The following VPS13D variants were observed in gnomAD, a reference collection of about 807,000 sequenced individuals.
The protein encoded by VPS13D is intermembrane lipid transfer protein VPS13D.
Under a neutral mutation model 461.9 loss-of-function variants are expected in VPS13D, and 187 were observed. The ratio of observed to expected loss-of-function variants is 0.40; its 90% CI spans 0.36 to 0.46. The LOEUF (loss-of-function observed/expected upper bound fraction) is 0.46. VPS13D is among the 20% of genes least tolerant of loss of function. The pLI, the probability that VPS13D is intolerant of heterozygous loss-of-function variation, is 0.60. For synonymous variants in VPS13D, 1,951 were observed against 1,986.3 expected, an observed-to-expected ratio of 0.98 and a Z score of 0.47; for missense variants, 4,711 against 5,364.9, an observed-to-expected ratio of 0.88 and a Z score of 3.81.
chr1:12,250,762 A>AC (rs1266993708), intron 6 of VPS13D, among the ~76,000 whole-genome samples: 4 of 152,272 alleles, frequency 2.6e-5, no homozygotes, highest in Admixed American at 1.3e-4. Context: ...ACCTGGGTGG[A>AC]CCAGCTCTAA....
chr1:12,412,992 T>C (rs1429852854), intron 63 of VPS13D, among the ~76,000 whole-genome samples: 1 of 152,078 alleles, frequency 6.6e-6, no homozygotes, highest in African/African-American at 2.4e-5. Context: ...ATGAGCAAAA[T>C]ACTTCAATAA....
intron 65 of VPS13D, among the ~76,000 whole-genome samples, chr1:12,433,552 C>T (rs569556536): frequency 3.9e-5 from 6 of 152,346 alleles, no homozygotes; most frequent in African/African-American, 1.4e-4. Context: ...ATGAACCCGC[C>T]AGTGACTCTG....
intron 67 of VPS13D, among the ~76,000 whole-genome samples, chr1:12,485,774 A>G (rs943627353): frequency 7.9e-5 from 12 of 152,322 alleles, no homozygotes; most frequent in Admixed American, 6.5e-5. Flanking sequence ...GACTATGACA[A>G]TCAGTCCAAT....
chr1:12,493,059 T>C (rs1645905050), intron 67 of VPS13D, among the ~76,000 whole-genome samples: 1 of 148,614 alleles, frequency 6.7e-6, no homozygotes. Context: ...TGGTCCACGA[T>C]TGAGTGATGG....
intron 13 of VPS13D, among the ~76,000 whole-genome samples, chr1:12,263,918 C>T (rs1279096889): frequency 6.6e-6 from 1 of 152,150 alleles, no homozygotes; most frequent in Non-Finnish European, 1.5e-5. Flanking sequence ...TTCATAGACA[C>T]CACATTTTTT....
intron 61 of VPS13D, among the ~76,000 whole-genome samples, chr1:12,400,960 GCGCACACACACACACA>G (rs1306094939): frequency 3.6e-4 from 47 of 131,032 alleles, no homozygotes; most frequent in Admixed American, 2.3e-3. Flanking sequence ...ACCTGCGCGC[GCGCACACACACACACA>G]CACACACACA....
At chr1:12,312,672 A>G in intron 29 of VPS13D, among the ~76,000 whole-genome samples, 1 of 152,200 alleles carries the variant, frequency 6.6e-6, no homozygotes, top group South Asian at 2.1e-4. Context: ...AGGTGAGAGA[A>G]TCACTTGAAC....
At chr1:12,478,309 T>C (rs977446885) in intron 67 of VPS13D, among the ~76,000 whole-genome samples, 1 of 152,276 alleles carries the variant, frequency 6.6e-6, no homozygotes, top group African/African-American at 2.4e-5. Flanking sequence ...TTCAGGGTTC[T>C]GCTCCATAAA....
Position 12,327,721 on chromosome 1 carries a change from C to G in VPS13D, c.8064C>G (p.Thr2688=). The G allele has an allele frequency of 6.2e-7, 1 of 1,614,132 alleles. No homozygotes were observed. Among genetic ancestry groups the G allele is most frequent in the Non-Finnish European group, 8.5e-7 (1 of 1,180,018 alleles). ...EPLKSLSLAS[T]SRDSPGAVAA... ...TGAAGTCTCTTTCCTTGGCCTCCAC[C>G]AGCCGAGATAGCCCAGGGGCTGTGG... Residue 2688 remains threonine, a synonymous_variant, in exon 36 of 70, where the codon ACC becomes ACG. Coordinates refer to ENST00000620676, the MANE Select transcript of VPS13D (RefSeq NM_015378.4).
At chr1:12,387,705 A>T (rs1557749677) in intron 60 of VPS13D, among the ~76,000 whole-genome samples, 2 of 152,260 alleles carry the variant, frequency 1.3e-5, no homozygotes, top group African/African-American at 4.8e-5. Flanking sequence ...GCTTGTAGAG[A>T]TTAAAATGTA....
In VPS13D at chr1:12,509,737, G is replaced by A. The variant is rs1030089031; in HGVS notation, c.*713G>A. 6.6e-6 allele frequency: 1 copy of A among 152,230 alleles called. No individual in the cohort carries two copies. The highest frequency in any genetic ancestry group is 2.4e-5 in the African/African-American group (1 of 41,462). 9.4% of individuals were successfully genotyped at this position (152,230 alleles called of 1,614,324 possible). On this transcript the variant is annotated 3_prime_UTR_variant, in exon 70 of 70. Transcript: ENST00000620676. Reference sequence around the variant, plus strand: ...TGCTTAGATTCTTACAAATTATGATGTAAGTTATCCATTTGGCTTTTTCCT... The same window carrying A: ...TGCTTAGATTCTTACAAATTATGATATAAGTTATCCATTTGGCTTTTTCCT...
Position 12,308,532 on chromosome 1 carries a change from G to A in VPS13D, c.6541G>A (p.Asp2181Asn), listed in dbSNP as rs1384470889. Residue 2181 changes from aspartate to asparagine, a missense_variant, in exon 27 of 70, where the codon GAT becomes AAT. Transcript: ENST00000620676. ...HPREYSKAPE[D>N]SSGDLIFPSY... is the part of the protein sequence containing the mutation. ...GAGAGAATACTCGAAGGCACCAGAG[G>A]ATAGTAGTGGAGATCTGATCTTCCC... 4 of 1,614,120 alleles carry A rather than the reference G, an allele frequency of 2.5e-6. No individual in the cohort carries two copies. The highest frequency in any genetic ancestry group is 3.4e-6 in the Non-Finnish European group (4 of 1,180,018).
chr1:12,498,862 G>A, intron 68 of VPS13D, among the ~76,000 whole-genome samples: 1 of 152,094 alleles, frequency 6.6e-6, no homozygotes, highest in East Asian at 1.9e-4. Flanking sequence ...TCAGCTCAGG[G>A]CCCCAACCTT....
Position 12,327,639 on chromosome 1 carries a change from T to A in VPS13D, c.7991-9T>A. ...TGGTAGAACTGATCACTTCTTAATTTCTTTGAAGGCCAATTGAAAAAGGCA... is the reference window on the plus strand; with the variant it reads ...TGGTAGAACTGATCACTTCTTAATTACTTTGAAGGCCAATTGAAAAAGGCA... On this transcript the variant is annotated splice_polypyrimidine_tract_variant and intron_variant, in intron 35 of 69. Coordinates refer to ENST00000620676, the MANE Select transcript of VPS13D (RefSeq NM_015378.4). 1 of 1,613,904 alleles carries A rather than the reference T, an allele frequency of 6.2e-7. No homozygotes were observed. The highest frequency in any genetic ancestry group is 8.5e-7 in the Non-Finnish European group (1 of 1,179,904).
intron 25 of VPS13D, 101 bp from the exon 26 acceptor site, chr1:12,304,405 G>T: frequency 9.3e-7 from 1 of 1,075,350 alleles, no homozygotes; most frequent in Non-Finnish European, 1.3e-6. Context: ...AAGACCCTAG[G>T]GACTGGGATA....
rs959492452 is a variant in VPS13D at position 12,299,801 on chromosome 1, G to A, written c.6216+417G>A. On this transcript the variant is annotated intron_variant, in intron 25 of 69. Coordinates refer to ENST00000620676, the MANE Select transcript of VPS13D (RefSeq NM_015378.4). The surrounding 1 kb of genome is among the most constrained non-coding windows in gnomAD (Gnocchi z 4.2). ...TTTAGACTCTGTGGCTTTTTTCAGA[G>A]GACGTGATTGGCCCGTGGTTTACTT... Among the ~76,000 whole-genome samples, 1 of 151,782 alleles carries A rather than the reference G, an allele frequency of 6.6e-6. No individual in the cohort carries two copies. The highest frequency in any genetic ancestry group is 2.4e-5 in the African/African-American group (1 of 41,316).
At chr1:12,233,680 C>G (rs1433292923) in intron 1 of VPS13D, among the ~76,000 whole-genome samples, 2 of 152,150 alleles carry the variant, frequency 1.3e-5, no homozygotes, top group African/African-American at 2.4e-5. Context: ...GAAGCAGCAT[C>G]AGAATGTAGG....
At chr1:12,320,423 C>T (rs549258826) in intron 32 of VPS13D, among the ~76,000 whole-genome samples, 2 of 152,282 alleles carry the variant, frequency 1.3e-5, no homozygotes, top group South Asian at 2.1e-4. Context: ...GCTTTACGAT[C>T]GGCCTTTTCA....
chr1:12,461,239 A>G (rs970483833), intron 67 of VPS13D, among the ~76,000 whole-genome samples: 1 of 152,176 alleles, frequency 6.6e-6, no homozygotes, highest in Non-Finnish European at 1.5e-5. Context: ...GTGAATTAGT[A>G]CGCCCTTTTA....
Sources: gnomAD v4.1 joint callset for allele counts (sites outside exome capture counted in the v4.1 genomes callset) on GRCh38, gnomAD v4.1.1 for gene constraint, Gnocchi (gnomAD v3.1) non-coding constraint, MANE v1.5 for transcripts, NCBI Gene and HGNC (gene_info 2026-07-23, HGNC 2026-07-21) for gene names.